HHAT: variants seen among roughly 807,000 people sequenced by gnomAD.
HHAT encodes protein-cysteine N-palmitoyltransferase HHAT.
Under a neutral mutation model 70.8 loss-of-function variants are expected in HHAT, and 47 were observed. The observed-to-expected ratio is 0.66, with a 90% CI of 0.53 to 0.85. The LOEUF (loss-of-function observed/expected upper bound fraction) is 0.85. Among genes scored for constraint, HHAT ranks in the 40% least tolerant of loss-of-function variants. The pLI, the probability that HHAT is intolerant of heterozygous loss-of-function variation, is 0.00. For synonymous variants in HHAT, 228 were observed against 247.6 expected (o/e 0.92, Z 0.74); for missense variants, 609 against 604.8 (o/e 1.01, Z -0.07).
At chr1:210,374,407 G>A (rs1231987598) in intron 3 of HHAT, 1 of 152,228 alleles carries the variant, frequency 6.6e-6, no homozygotes, top group African/African-American at 2.4e-5. Context: ...AGTTAGAAAT[G>A]TTGAGTCAAA....
intron 1 of HHAT, among the ~76,000 whole-genome samples, chr1:210,335,306 C>T (rs1393604507): frequency 8.0e-6 from 1 of 125,114 alleles, no homozygotes; most frequent in Non-Finnish European, 1.6e-5. Flanking sequence ...CAACTCAGCA[C>T]CCATTCATGA....
intron 9 of HHAT, among the ~76,000 whole-genome samples, chr1:210,544,367 G>GT (rs569514246): frequency 0.022 from 1,954 of 90,018 alleles, 64 homozygotes; most frequent in East Asian, 0.058. Flanking sequence ...TCTTTCTTTC[G>GT]TTTTTTTTTT....
chr1:210,366,900 A>G (rs1188384597), intron 3 of HHAT, among the ~76,000 whole-genome samples: 3 of 152,230 alleles, frequency 2.0e-5, no homozygotes, highest in East Asian at 1.9e-4. Context: ...CTGAAGCTCA[A>G]GCTGAGCTTG....
At chr1:210,480,189 T>C (rs2094372092) in intron 8 of HHAT, among the ~76,000 whole-genome samples, 1 of 152,086 alleles carries the variant, frequency 6.6e-6, no homozygotes. Context: ...GTAGTCACCC[T>C]CCAGGGATAC....
intron 4 of HHAT, among the ~76,000 whole-genome samples, chr1:210,388,574 G>T (rs541046517): frequency 1.3e-5 from 2 of 152,032 alleles, no homozygotes; most frequent in African/African-American, 2.4e-5. Context: ...TACTCAAGTG[G>T]CTGCTGAACT....
chr1:210,659,897 T>G (rs1193694659), intron 11 of HHAT, among the ~76,000 whole-genome samples: 1 of 152,110 alleles, frequency 6.6e-6, no homozygotes, highest in African/African-American at 2.4e-5. Context: ...CTCAATAAAA[T>G]AGGTATTGAT....
At chr1:210,659,195 A>G (rs1318239334) in intron 11 of HHAT, among the ~76,000 whole-genome samples, 1 of 152,248 alleles carries the variant, frequency 6.6e-6, no homozygotes, top group Non-Finnish European at 1.5e-5. Context: ...CACTAGCAAG[A>G]CTAACAAAGA....
chr1:210,341,299 G>A (rs1295317012), intron 1 of HHAT, among the ~76,000 whole-genome samples: 1 of 152,150 alleles, frequency 6.6e-6, no homozygotes. Flanking sequence ...AGATTTAAAA[G>A]CAGAAAAAAT....
At chr1:210,548,308 G>A (rs73079529) in intron 9 of HHAT, among the ~76,000 whole-genome samples, 74 of 152,330 alleles carry the variant, frequency 4.9e-4, no homozygotes, top group African/African-American at 1.8e-3. Context: ...AGTGCTTTAA[G>A]GGTGCGTTGT....
chr1:210,464,736 C>A, intron 8 of HHAT, 81 bp downstream of exon 8: 2 of 1,404,454 alleles, frequency 1.4e-6, no homozygotes. Flanking sequence ...AGGGTTCGGG[C>A]TACTATCCTC....
intron 11 of HHAT, among the ~76,000 whole-genome samples, chr1:210,655,410 C>A (rs55848230): frequency 6.6e-6 from 1 of 152,178 alleles, no homozygotes; most frequent in Non-Finnish European, 1.5e-5. Context: ...GTGTTTGATT[C>A]TGAGCAGATC....
At chr1:210,423,387 T>G (rs754109453) in intron 7 of HHAT, among the ~76,000 whole-genome samples, 19 of 152,164 alleles carry the variant, frequency 1.2e-4, no homozygotes, top group Non-Finnish European at 2.2e-4. Context: ...GTTCAGATCA[T>G]TAGCCCATTT....
chr1:210,625,073 G>A (rs936827240), intron 11 of HHAT, among the ~76,000 whole-genome samples: 1 of 152,218 alleles, frequency 6.6e-6, no homozygotes, highest in Admixed American at 6.5e-5. Flanking sequence ...CAGGCTCAAA[G>A]GGCCAAGAGA....
chr1:210,566,432 A>G (rs536431988), intron 9 of HHAT, among the ~76,000 whole-genome samples: 1 of 152,204 alleles, frequency 6.6e-6, no homozygotes, highest in South Asian at 2.1e-4. Flanking sequence ...ATGACCCTAA[A>G]TGAGAACAGG....
chr1:210,435,682 A>T (rs2093358869), intron 7 of HHAT, among the ~76,000 whole-genome samples: 1 of 151,592 alleles, frequency 6.6e-6, no homozygotes, highest in African/African-American at 2.4e-5. Context: ...ACGATATCTC[A>T]TTGTGGCTTT....
chr1:210,433,378 T>A (rs561609777), intron 7 of HHAT, among the ~76,000 whole-genome samples: 7 of 151,962 alleles, frequency 4.6e-5, no homozygotes, highest in African/African-American at 1.7e-4. Flanking sequence ...GATACAAGAT[T>A]TTGCATAAGG....
chr1:210,489,848 C>G (rs2094525041), intron 8 of HHAT, among the ~76,000 whole-genome samples: 1 of 152,156 alleles, frequency 6.6e-6, no homozygotes, highest in African/African-American at 2.4e-5. Context: ...TATATCACTT[C>G]CAGGTATGCA....
At chr1:210,407,440 C>T (rs563658537) in intron 6 of HHAT, among the ~76,000 whole-genome samples, 2 of 152,300 alleles carry the variant, frequency 1.3e-5, no homozygotes, top group Middle Eastern at 3.4e-3. Context: ...CCAACCCCAG[C>T]GGGAAATCTT....
chr1:210,486,707 T>C (rs2094477416), intron 8 of HHAT, among the ~76,000 whole-genome samples: 1 of 152,162 alleles, frequency 6.6e-6, no homozygotes, highest in Admixed American at 6.5e-5. Context: ...TTTTCTATAG[T>C]TTGTATACTT....
Sources: allele counts gnomAD v4.1 joint callset (sites outside exome capture counted in the v4.1 genomes callset), GRCh38; gene constraint gnomAD v4.1.1; transcripts MANE v1.5; gene names NCBI Gene and HGNC (gene_info 2026-07-23, HGNC 2026-07-21).